SETMAR: variants seen among roughly 807,000 people sequenced by gnomAD.
SETMAR encodes the protein SET and mariner transposase domain methyltransferase, also known as histone-lysine N-methyltransferase SETMAR.
Under a neutral mutation model 58.4 loss-of-function variants are expected in SETMAR, and 44 were observed. The ratio of observed to expected loss-of-function variants is 0.75; its 90% CI spans 0.59 to 0.97. The LOEUF (loss-of-function observed/expected upper bound fraction) is 0.97. SETMAR is among the 50% of genes least tolerant of loss of function. The pLI is 0.00. For missense variants in SETMAR, 903 were observed against 840.2 expected (o/e 1.07, Z -0.92); for synonymous variants, 332 against 307.4 (o/e 1.08, Z -0.84).
intron 1 of SETMAR, 140 bp downstream of exon 1, chr3:4,303,666 G>T (rs1195859325): frequency 6.8e-7 from 1 of 1,480,236 alleles, no homozygotes; most frequent in African/African-American, 1.4e-5. Context: ...GCGGGAATAG[G>T]TGTGCATGCC....
Position 4,312,934 on chromosome 3 carries a change from A to G in SETMAR, c.193A>G (p.Ile65Val). 6.2e-7 allele frequency: 1 copy of G among 1,613,590 alleles called. No individual in the cohort carries two copies. Residue 65 changes from isoleucine (I) to valine (V), a missense_variant, in exon 2 of 3, where the codon ATT becomes GTT. Physicochemically the swap from Ile to Val is conservative, Grantham distance 29. Transcript: ENST00000358065. ...TCATGTAGTTGGACCTGGAGCAGAC[A>G]TTGATCCCACTCAAATAACCTTTCC... Reference protein sequence around the residue: ...PDHVVGPGADIDPTQITFPGC... With the variant: ...PDHVVGPGADVDPTQITFPGC...
In SETMAR at chr3:4,313,618, T is replaced by G; in HGVS notation, c.877T>G (p.Ser293Ala). The G allele has an allele frequency of 6.2e-7, 1 of 1,614,106 alleles. No homozygotes were observed. The highest frequency in any genetic ancestry group is 8.5e-7 in the Non-Finnish European group (1 of 1,179,986). Residue 293 changes from serine (S) to alanine (A), a missense_variant, in exon 2 of 3, where the codon TCA (serine) becomes GCA (alanine). Physicochemically the swap from Ser to Ala is moderately conservative, Grantham distance 99. Coordinates refer to ENST00000358065, the MANE Select transcript of SETMAR (RefSeq NM_006515.4). ...GAAACCTTGTTACTGTGGTGCCAAA[T>G]CATGTACTGCTTTCCTGCCTTTTGA... ...LRKPCYCGAK[S>A]CTAFLPFDSS...
Position 4,313,658 on chromosome 3 carries a change from G to T in SETMAR, c.917G>T (p.Cys306Phe). 6.2e-7 allele frequency: 1 copy of T among 1,613,990 alleles called. No individual in the cohort carries two copies. Among genetic ancestry groups the T allele is most frequent in the Non-Finnish European group, 8.5e-7 (1 of 1,179,978 alleles). Residue 306 changes from cysteine to phenylalanine, a missense_variant, in exon 2 of 3, where the codon TGC becomes TTC. By Grantham distance (205) the Cys-to-Phe change is radical (BLOSUM62 -2). Coordinates refer to ENST00000358065, the MANE Select transcript of SETMAR (RefSeq NM_006515.4). ...AFLPFDSSLY[C>F]PVEKSNISCG... is the part of the protein sequence containing the mutation. ...CTGCCTTTTGACAGTTCTCTGTACT[G>T]CCCCGTAGAAAAGTCGAACATCAGT...
intron 1 of SETMAR, among the ~76,000 whole-genome samples, chr3:4,308,777 C>A (rs1279210787): frequency 1.3e-5 from 2 of 152,226 alleles, no homozygotes; most frequent in African/African-American, 4.8e-5. Flanking sequence ...CTAGTCTAAC[C>A]TCCTAATTGA....
intron 2 of SETMAR, 151 bp downstream of exon 2, chr3:4,313,912 T>C: frequency 5.1e-6 from 7 of 1,369,122 alleles, no homozygotes; most frequent in South Asian, 2.9e-5. Flanking sequence ...CTTTCTGTAA[T>C]AGAATTCTCC....
intron 1 of SETMAR, chr3:4,303,906 C>T: frequency 1.6e-6 from 2 of 1,223,952 alleles, no homozygotes; most frequent in Non-Finnish European, 2.1e-6. Context: ...GGATCGCAGC[C>T]GGTGTCGTGC....
At chr3:4,303,639 A>T in intron 1 of SETMAR, 113 bp downstream of exon 1, 1 of 1,420,482 alleles carries the variant, frequency 7.0e-7, no homozygotes, top group Non-Finnish European at 9.2e-7. Context: ...CTTCTCTTAC[A>T]GCGCACCCGT....
At chr3:4,316,023 G>A (rs1043586216) in intron 2 of SETMAR, among the ~76,000 whole-genome samples, 189 bp from the exon 3 acceptor site, 1 of 144,992 alleles carries the variant, frequency 6.9e-6, no homozygotes, top group African/African-American at 2.6e-5. Flanking sequence ...CTCCAGCTTG[G>A]GTGACAGAGC....
At chr3:4,311,374 A>AT (rs1332111222) in intron 1 of SETMAR, among the ~76,000 whole-genome samples, 1 of 152,258 alleles carries the variant, frequency 6.6e-6, no homozygotes, top group Non-Finnish European at 1.5e-5. Context: ...CAGGTGCTTT[A>AT]AAATCTATCC....
intron 2 of SETMAR, 138 bp from the exon 3 acceptor site, chr3:4,316,074 A>T: frequency 6.1e-6 from 3 of 491,086 alleles, no homozygotes; most frequent in Non-Finnish European, 3.6e-6. Flanking sequence ...AAAAAGTAAC[A>T]GTTTTTGCAT....
chr3:4,316,166 G>GT (rs1212184881), intron 2 of SETMAR, 46 bp from the exon 3 acceptor site: 21 of 622,122 alleles, frequency 3.4e-5, no homozygotes, highest in East Asian at 3.3e-4. Context: ...ATTTCTTTAT[G>GT]TTTTTTTGCT....
Position 4,313,492 on chromosome 3 carries a change from G to A in SETMAR, c.751G>A (p.Asp251Asn). The A allele has an allele frequency of 6.2e-7, 1 of 1,613,896 alleles. No individual in the cohort carries two copies. Among genetic ancestry groups the A allele is most frequent in the Non-Finnish European group, 8.5e-7 (1 of 1,179,942 alleles). The change falls in exon 2 of 3, where the codon GAT becomes AAT. Residue 251 changes from aspartate (D) to asparagine (N), a missense_variant. Asp to Asn is a conservative substitution (Grantham distance 23). Coordinates refer to ENST00000358065, the MANE Select transcript of SETMAR (RefSeq NM_006515.4). ...TAAGTTGGCACTTTTTGCAGCCAAA[G>A]ATATTGTGCCAGAAGAAGAACTCTC... ...VPKLALFAAK[D>N]IVPEEELSYD...
rs1282256725 is a variant in SETMAR, at chr3:4,316,562, T to A, written c.1371T>A (p.Asp457Glu). The part of the protein sequence containing the change: ...LKQIGKVKKL[D>E]KWVPHELTEN... Reference sequence around the variant, plus strand: ...AAATTGGAAAGGTGAAAAAGCTCGATAAGTGGGTGCCTCATGAGCTGACTG... The same window carrying A: ...AAATTGGAAAGGTGAAAAAGCTCGAAAAGTGGGTGCCTCATGAGCTGACTG... Residue 457 changes from aspartate (D) to glutamate (E), a missense_variant, in exon 3 of 3, where the codon GAT (aspartate) becomes GAA (glutamate). Asp to Glu is a conservative substitution (Grantham distance 45). Transcript: ENST00000358065. 1 of 1,554,724 alleles carries A rather than the reference T, an allele frequency of 6.4e-7. No homozygotes were observed. Among genetic ancestry groups the A allele is most frequent in the South Asian group, 1.2e-5 (1 of 84,286 alleles).
chr3:4,303,586 C>G (rs1222673872), intron 1 of SETMAR, 60 bp downstream of exon 1: 40 of 1,377,720 alleles, frequency 2.9e-5, no homozygotes, highest in Non-Finnish European at 3.7e-5. Context: ...GTGGTCTCCT[C>G]AAGCCGCCTC....
Position 4,316,819 on chromosome 3 carries a change from T to A in SETMAR, c.1628T>A (p.Ile543Asn), listed in dbSNP as rs770927294. ...VTIWWSAAGL[I>N]HYSFLNPGET... Reference sequence around the variant, plus strand: ...ATTTGGTGGTCTGCTGCTGGTCTGATCCACTACAGCTTTCTGAATCCCGGT... The same window carrying A: ...ATTTGGTGGTCTGCTGCTGGTCTGAACCACTACAGCTTTCTGAATCCCGGT... The change falls in exon 3 of 3, where the codon ATC becomes AAC. Residue 543 changes from isoleucine to asparagine, a missense_variant. Physicochemically the swap from Ile to Asn is moderately radical, Grantham distance 149 (BLOSUM62 -3). Transcript: ENST00000358065. 96 of 1,550,426 alleles carry A rather than the reference T, an allele frequency of 6.2e-5. No homozygotes were observed. The highest frequency in any genetic ancestry group is 8.2e-5 in the Non-Finnish European group (94 of 1,146,742).
At chr3:4,312,168 G>T (rs192069390) in intron 1 of SETMAR, among the ~76,000 whole-genome samples, 1 of 152,100 alleles carries the variant, frequency 6.6e-6, no homozygotes, top group African/African-American at 2.4e-5. Context: ...AATTCTGTGT[G>T]CAATTGACTT....
intron 1 of SETMAR, 66 bp from the exon 2 acceptor site, chr3:4,312,832 C>T: frequency 4.6e-6 from 7 of 1,510,902 alleles, no homozygotes; most frequent in Non-Finnish European, 6.2e-6. Flanking sequence ...CAGTCAGAAG[C>T]TACTTGGAAT....
rs533632219 is a variant in SETMAR at position 4,316,640 on chromosome 3, C to T, written c.1449C>T (p.Asn483=). The T allele has an allele frequency of 3.1e-5, 48 of 1,551,204 alleles. No individual in the cohort carries two copies. In the African/African-American group the frequency reaches 5.6e-4, roughly 18 times the overall value. ...FEVSSSLILR[N]HNEPFLDRIV... is the part of the protein sequence containing the mutation. ...TGTCATCTTCTCTTATTCTACGCAA[C>T]CACAACGAACCATTTCTCGATCGGA... is the stretch of plus-strand genomic sequence containing the variant. Residue 483 remains asparagine, a synonymous_variant, in exon 3 of 3, where the codon AAC becomes AAT. Transcript: ENST00000358065.
intron 1 of SETMAR, among the ~76,000 whole-genome samples, chr3:4,312,094 C>T (rs1698428542): frequency 6.6e-6 from 1 of 151,982 alleles, no homozygotes; most frequent in Non-Finnish European, 1.5e-5. Context: ...AATTTCTTTA[C>T]AAGTGTATAT....
Sources: gnomAD v4.1 joint callset for allele counts (sites outside exome capture counted in the v4.1 genomes callset) on GRCh38, gnomAD v4.1.1 for gene constraint, MANE v1.5 for transcripts, NCBI Gene and HGNC (gene_info 2026-07-23, HGNC 2026-07-21) for gene names.